Variants in MAP4K3 observed in about 807,000 individuals in gnomAD.
The protein encoded by MAP4K3 is mitogen-activated protein kinase kinase kinase kinase 3, also known as MAPK/ERK kinase kinase kinase 3.
Under a neutral mutation model 143.5 loss-of-function variants are expected in MAP4K3, and 94 were observed. The observed-to-expected ratio is 0.65, with a 90% CI of 0.55 to 0.78. The LOEUF (loss-of-function observed/expected upper bound fraction) is 0.78, where lower values mean the gene tolerates loss of function less well. MAP4K3 is among the 30% of genes least tolerant of loss of function. MAP4K3 has a pLI of 0.00. For synonymous variants in MAP4K3, 416 were observed against 347.2 expected, an observed-to-expected ratio of 1.20 and a Z score of -2.20; for missense variants, 1,077 against 1,068.1, an observed-to-expected ratio of 1.01 and a Z score of -0.12.
chr2:39,282,367 A>G (rs1023104833), intron 22 of MAP4K3, 146 bp downstream of exon 22: 1 of 685,404 alleles, frequency 1.5e-6, no homozygotes, highest in Non-Finnish European at 2.6e-6. Context: ...GCATGGTGAC[A>G]CATGCCTGTA....
chr2:39,272,310 T>C lies in MAP4K3; in HGVS notation c.1946A>G (p.His649Arg). 1 of 1,613,550 alleles carries C rather than the reference T, an allele frequency of 6.2e-7. No homozygotes were observed. Among genetic ancestry groups the C allele is most frequent in the Non-Finnish European group, 8.5e-7 (1 of 1,179,586 alleles). Residue 649 changes from histidine (H) to arginine (R), a missense_variant, in exon 26 of 34, where the codon CAC becomes CGC. By Grantham distance (29) the His-to-Arg change is conservative (BLOSUM62 0). Coordinates refer to ENST00000263881, the MANE Select transcript of MAP4K3 (RefSeq NM_003618.4). ...MQKLPVAIPA[H>R]KLPDRILPRK... The stretch of plus-strand genomic sequence containing the variant: ...TGGCAGTATTCTGTCAGGGAGTTTG[T>C]GTGCTGGAATAGCAACAGGTAACTT...
intron 21 of MAP4K3, among the ~76,000 whole-genome samples, chr2:39,286,406 C>T (rs1681778935): frequency 6.6e-6 from 1 of 152,304 alleles, no homozygotes; most frequent in South Asian, 2.1e-4. Flanking sequence ...GGGTTAGGGA[C>T]CCCTGATCTA....
At chr2:39,296,620 G>C (rs576252599) in intron 16 of MAP4K3, among the ~76,000 whole-genome samples, 87 of 152,254 alleles carry the variant, frequency 5.7e-4, no homozygotes, top group South Asian at 2.3e-3. Context: ...TCAGTGCTGC[G>C]GTTATTAACA....
intron 12 of MAP4K3, among the ~76,000 whole-genome samples, chr2:39,319,013 G>A (rs977786218): frequency 1.3e-5 from 2 of 152,052 alleles, no homozygotes; most frequent in African/African-American, 4.8e-5. Flanking sequence ...GGATTAAAGG[G>A]TGTTAACTGG....
At chr2:39,426,018 A>C (rs1665066806) in intron 1 of MAP4K3, among the ~76,000 whole-genome samples, 1 of 152,186 alleles carries the variant, frequency 6.6e-6, no homozygotes, top group African/African-American at 2.4e-5. Flanking sequence ...GTATCTCCCC[A>C]TAATTTACTT....
intron 1 of MAP4K3, among the ~76,000 whole-genome samples, chr2:39,429,605 T>A (rs1665220642): frequency 6.6e-6 from 1 of 152,348 alleles, no homozygotes; most frequent in South Asian, 2.1e-4. Context: ...GGGTGTTGGG[T>A]ACATGAGACC....
At chr2:39,293,118 A>G in intron 17 of MAP4K3, 112 bp downstream of exon 17, 5 of 819,604 alleles carry the variant, frequency 6.1e-6, no homozygotes, top group South Asian at 1.6e-5. Context: ...CCCTATCTCT[A>G]TTAAAGAAAA....
chr2:39,312,405 C>T (rs1287841661), intron 13 of MAP4K3, among the ~76,000 whole-genome samples: 1 of 152,084 alleles, frequency 6.6e-6, no homozygotes, highest in Non-Finnish European at 1.5e-5. Context: ...GAGCTTCAGC[C>T]AAAACCAAAA....
intron 1 of MAP4K3, among the ~76,000 whole-genome samples, chr2:39,431,956 T>C (rs1334775259): frequency 6.6e-6 from 1 of 152,062 alleles, no homozygotes; most frequent in East Asian, 1.9e-4. Flanking sequence ...AGAGGTCGGT[T>C]GTGCAATTAT....
chr2:39,429,230 C>T (rs1665203497), intron 1 of MAP4K3, among the ~76,000 whole-genome samples: 1 of 152,022 alleles, frequency 6.6e-6, no homozygotes, highest in South Asian at 2.1e-4. Context: ...AAGTTTTCCA[C>T]AATTATGTTT....
chr2:39,415,045 T>G (rs894133433), intron 1 of MAP4K3, among the ~76,000 whole-genome samples: 1 of 152,208 alleles, frequency 6.6e-6, no homozygotes, highest in African/African-American at 2.4e-5. Context: ...TTCAAGAGGT[T>G]ATAAGCAATT....
At chr2:39,325,060 T>A (rs1033574768) in intron 12 of MAP4K3, among the ~76,000 whole-genome samples, 2 of 152,258 alleles carry the variant, frequency 1.3e-5, no homozygotes, top group East Asian at 3.9e-4. Context: ...CAAGTAATCC[T>A]CTTGCTTCAG....
intron 1 of MAP4K3, among the ~76,000 whole-genome samples, chr2:39,414,086 G>C (rs1165999642): frequency 6.6e-6 from 1 of 152,250 alleles, no homozygotes; most frequent in East Asian, 1.9e-4. Context: ...AGTTAAACTT[G>C]ATTTTGTTCC....
rs763852993 is a variant in MAP4K3, at chr2:39,315,382, C to A, written c.925G>T (p.Val309Phe). 38 of 1,609,456 alleles carry A rather than the reference C, an allele frequency of 2.4e-5. No homozygotes were observed. Among genetic ancestry groups the A allele is most frequent in the Non-Finnish European group, 3.2e-5 (38 of 1,177,688 alleles). The change falls in exon 13 of 34, where the codon GTT (valine) becomes TTT (phenylalanine). Residue 309 changes from valine (V) to phenylalanine (F), a missense_variant. Val to Phe is a conservative substitution (Grantham distance 50). Coordinates refer to ENST00000263881, the MANE Select transcript of MAP4K3 (RefSeq NM_003618.4). ...GAGTGAATTCTATGTGGTACAGCAA[C>A]AAGAGGCTAGAAAAGAACAAAATCA... Reference protein sequence around the residue: ...DFDDDDPEPLVAVPHRIHSTS... With the variant: ...DFDDDDPEPLFAVPHRIHSTS...
chr2:39,291,928 A>G (rs1682062598), intron 18 of MAP4K3, among the ~76,000 whole-genome samples: 1 of 152,156 alleles, frequency 6.6e-6, no homozygotes, highest in African/African-American at 2.4e-5. Context: ...AATGTCTCAG[A>G]TGAGGATTTC....
At position 39,295,715 on chromosome 2, in the gene MAP4K3, G is replaced by GTT. The variant is rs56299783; in HGVS notation, c.1179-2449_1179-2448dup. Among the ~76,000 whole-genome samples, 127 of 98,540 alleles carry GTT rather than the reference G, an allele frequency of 1.3e-3. 5 individuals carry two copies. Among genetic ancestry groups the GTT allele is most frequent in the African/African-American group, 4.1e-3 (122 of 29,442 alleles). 64.6% of individuals were successfully genotyped at this position (98,540 alleles called of 152,430 possible). On this transcript the variant is annotated intron_variant, in intron 16 of 33. Coordinates refer to ENST00000263881, the MANE Select transcript of MAP4K3 (RefSeq NM_003618.4). ...GATTTATATTGCATTCGCATTCCAT[G>GTT]TTTTTTTTTTTTTTTTTTTTGAGAT...
chr2:39,418,988 T>C (rs1667472108), intron 1 of MAP4K3, among the ~76,000 whole-genome samples: 1 of 152,152 alleles, frequency 6.6e-6, no homozygotes, highest in African/African-American at 2.4e-5. Context: ...TCCTCAGTTG[T>C]GCCAAATGTA....
intron 12 of MAP4K3, among the ~76,000 whole-genome samples, chr2:39,324,012 C>A (rs548297824): frequency 6.6e-6 from 1 of 151,982 alleles, no homozygotes; most frequent in Non-Finnish European, 1.5e-5. Flanking sequence ...TTTTACAGTC[C>A]CATACTACCA....
At chr2:39,278,309 G>A in intron 24 of MAP4K3, 98 bp downstream of exon 24, 4 of 640,330 alleles carry the variant, frequency 6.2e-6, no homozygotes, top group Non-Finnish European at 1.0e-5. Context: ...AAGAATAAAA[G>A]AGGCAGCAAG....
Sources: allele counts gnomAD v4.1 joint callset (sites outside exome capture counted in the v4.1 genomes callset), GRCh38; gene constraint gnomAD v4.1.1; transcripts MANE v1.5; gene names NCBI Gene and HGNC (gene_info 2026-07-23, HGNC 2026-07-21).